Variants in SLC4A4 observed in about 807,000 individuals in gnomAD.
SLC4A4 encodes solute carrier family 4 member 4, also known as electrogenic sodium bicarbonate cotransporter 1.
In SLC4A4, 27 loss-of-function variants were observed where a neutral mutation model predicts 111.5. The observed-to-expected ratio is 0.24, with a 90% CI of 0.18 to 0.33. The LOEUF (loss-of-function observed/expected upper bound fraction) is 0.33, where lower values mean the gene tolerates loss of function less well. SLC4A4 is among the 10% of genes least tolerant of loss of function. The pLI, the probability that SLC4A4 is intolerant of heterozygous loss-of-function variation, is 1.00. For synonymous variants in SLC4A4, 443 were observed against 463.4 expected (o/e 0.96, Z 0.57); for missense variants, 909 against 1,315.5 (o/e 0.69, Z 4.78).
chr4:71,422,934 G>C (rs1222370929), intron 7 of SLC4A4, among the ~76,000 whole-genome samples: 1 of 152,182 alleles, frequency 6.6e-6, no homozygotes, highest in African/African-American at 2.4e-5. Context: ...GCACAAGACA[G>C]GGCTGCCCTC....
At chr4:71,511,903 C>A (rs1182287950) in intron 16 of SLC4A4, among the ~76,000 whole-genome samples, 1 of 152,086 alleles carries the variant, frequency 6.6e-6, no homozygotes, top group Non-Finnish European at 1.5e-5. Context: ...TCACTAAACA[C>A]AATGACCTTC....
intron 16 of SLC4A4, among the ~76,000 whole-genome samples, chr4:71,528,704 G>A (rs968909646): frequency 6.6e-6 from 1 of 151,892 alleles, no homozygotes; most frequent in African/African-American, 2.4e-5. Context: ...AATCTAAACA[G>A]TAGAGTATTA....
intron 3 of SLC4A4, among the ~76,000 whole-genome samples, chr4:71,287,010 T>C (rs559652838): frequency 1.3e-5 from 2 of 152,350 alleles, no homozygotes; most frequent in South Asian, 2.1e-4. Flanking sequence ...GCCAAGACTT[T>C]AGCCAGGTTT....
intron 6 of SLC4A4, among the ~76,000 whole-genome samples, chr4:71,368,483 C>T (rs951338151): frequency 2.0e-5 from 3 of 152,126 alleles, no homozygotes; most frequent in African/African-American, 7.2e-5. Context: ...TGAGATCCAG[C>T]TCTATATTCA....
intron 3 of SLC4A4, among the ~76,000 whole-genome samples, chr4:71,270,405 A>G (rs1227440002): frequency 6.6e-6 from 1 of 152,164 alleles, no homozygotes; most frequent in Non-Finnish European, 1.5e-5. Context: ...TGTGACTTTT[A>G]ACTCCAGCTT....
At chr4:71,373,465 T>G (rs1732064312) in intron 6 of SLC4A4, among the ~76,000 whole-genome samples, 1 of 152,154 alleles carries the variant, frequency 6.6e-6, no homozygotes. Context: ...GGGTGAGACA[T>G]TGAAAGATCA....
At chr4:71,512,920 T>A (rs1247549187) in intron 16 of SLC4A4, among the ~76,000 whole-genome samples, 1 of 152,178 alleles carries the variant, frequency 6.6e-6, no homozygotes, top group African/African-American at 2.4e-5. Flanking sequence ...CTTGTCAGCT[T>A]TTTTGAGGAT....
intron 14 of SLC4A4, among the ~76,000 whole-genome samples, chr4:71,475,339 A>G (rs1253929526): frequency 1.3e-5 from 2 of 151,876 alleles, no homozygotes; most frequent in Non-Finnish European, 2.9e-5. Flanking sequence ...ACCAAGGAAG[A>G]CATATCTAAA....
At chr4:71,561,506 G>T (rs1300253059) in intron 23 of SLC4A4, among the ~76,000 whole-genome samples, 1 of 151,732 alleles carries the variant, frequency 6.6e-6, no homozygotes, top group Non-Finnish European at 1.5e-5. Context: ...CTTGGAAATA[G>T]TACAGTGAAA....
intron 3 of SLC4A4, among the ~76,000 whole-genome samples, chr4:71,306,976 C>T (rs1725741577): frequency 6.6e-6 from 1 of 152,132 alleles, no homozygotes; most frequent in African/African-American, 2.4e-5. Flanking sequence ...GTTAAAATGA[C>T]CTCCAGATTC....
chr4:71,443,322 T>C (rs908676987), intron 8 of SLC4A4, among the ~76,000 whole-genome samples: 1 of 151,348 alleles, frequency 6.6e-6, no homozygotes, highest in Admixed American at 6.6e-5. Context: ...AGCTAATTCT[T>C]GTATTTTTGT....
chr4:71,457,872 G>A (rs978579721), intron 12 of SLC4A4, among the ~76,000 whole-genome samples: 6 of 152,008 alleles, frequency 3.9e-5, no homozygotes, highest in African/African-American at 1.4e-4. Flanking sequence ...TACTATTTAT[G>A]TAGTACCTTT....
chr4:71,110,407 T>A (rs1743054658), intron 2 of SLC4A4, among the ~76,000 whole-genome samples: 1 of 152,090 alleles, frequency 6.6e-6, no homozygotes, highest in South Asian at 2.1e-4. Context: ...GGTTTCACCA[T>A]GTTGCTCAGG....
chr4:71,303,120 C>T (rs982102284), intron 3 of SLC4A4, among the ~76,000 whole-genome samples: 1 of 152,066 alleles, frequency 6.6e-6, no homozygotes, highest in East Asian at 1.9e-4. Context: ...GTCTCTTCTG[C>T]GAATGTGGTA....
rs150852288 is a variant in SLC4A4, at chr4:71,327,999, T to C, written c.254-11371T>C. On this transcript the variant is annotated intron_variant, in intron 3 of 25. Coordinates refer to ENST00000264485, the MANE Select transcript of SLC4A4 (RefSeq NM_001098484.3). ...TGCTCCCACCAACTACCCTTTTTAG[T>C]CTCTGGTAACCATCCTTCTACTCTG... is the stretch of plus-strand genomic sequence containing the variant. 7.4e-3 allele frequency among the ~76,000 whole-genome samples: 1,118 copies of C among 152,106 alleles called. 15 individuals carry two copies. The highest frequency in any genetic ancestry group is 0.024 in the African/African-American group (981 of 41,546).
chr4:71,124,938 A>G (rs1190565844), intron 2 of SLC4A4, among the ~76,000 whole-genome samples: 2 of 152,248 alleles, frequency 1.3e-5, no homozygotes, highest in South Asian at 4.1e-4. Flanking sequence ...TGTTTCCTAC[A>G]CAGATATTGA....
chr4:71,114,010 G>A (rs1489286155), intron 2 of SLC4A4, among the ~76,000 whole-genome samples: 1 of 152,176 alleles, frequency 6.6e-6, no homozygotes, highest in Admixed American at 6.5e-5. Context: ...CACTTTGGGA[G>A]GCCGAGGCCG....
At chr4:71,542,855 C>T (rs1052925606) in intron 18 of SLC4A4, among the ~76,000 whole-genome samples, 1 of 152,072 alleles carries the variant, frequency 6.6e-6, no homozygotes, top group Admixed American at 6.6e-5. Context: ...ACTTTACCTC[C>T]AGGGTCTAGC....
At chr4:71,355,884 A>G (rs1359926382) in intron 5 of SLC4A4, among the ~76,000 whole-genome samples, 1 of 152,202 alleles carries the variant, frequency 6.6e-6, no homozygotes, top group Admixed American at 6.5e-5. Context: ...GTTTCTTTAC[A>G]TTTATATACT....
Sources: allele counts gnomAD v4.1 joint callset (sites outside exome capture counted in the v4.1 genomes callset), GRCh38; gene constraint gnomAD v4.1.1; transcripts MANE v1.5; gene names NCBI Gene and HGNC (gene_info 2026-07-23, HGNC 2026-07-21).